PRDM16: variants seen among roughly 807,000 people sequenced by gnomAD.
PRDM16 encodes the protein histone-lysine N-methyltransferase PRDM16.
In PRDM16, 23 loss-of-function variants were observed where a neutral mutation model predicts 110.6. The ratio of observed to expected loss-of-function variants is 0.21; its 90% CI spans 0.15 to 0.29. PRDM16 has a LOEUF of 0.29. Ranked by LOEUF, PRDM16 falls within the 10% of genes least tolerant of loss-of-function variation. The pLI, the probability that PRDM16 is intolerant of heterozygous loss-of-function variation, is 1.00. For missense variants in PRDM16, 1,615 were observed against 1,794.3 expected, an observed-to-expected ratio of 0.90 and a Z score of 1.81; for synonymous variants, 799 against 781.8, an observed-to-expected ratio of 1.02 and a Z score of -0.37.
chr1:3,396,424 GCA>G, intron 4 of PRDM16, 65 bp from the exon 5 acceptor site: 1 of 859,492 alleles, frequency 1.2e-6, no homozygotes, highest in Non-Finnish European at 1.9e-6. Flanking sequence ...GGCTGAGTGT[GCA>G]CTGAGAGGCT....
At chr1:3,094,566 C>T (rs551155253) in intron 1 of PRDM16, among the ~76,000 whole-genome samples, 19 of 152,320 alleles carry the variant, frequency 1.2e-4, no homozygotes, top group South Asian at 2.1e-4. Flanking sequence ...AGGGCCGGGA[C>T]GCTATAAAGC....
intron 10 of PRDM16, among the ~76,000 whole-genome samples, chr1:3,415,172 G>T (rs1381514447): frequency 2.0e-5 from 3 of 152,174 alleles, no homozygotes; most frequent in African/African-American, 7.2e-5. Flanking sequence ...AGACAGGTGG[G>T]TGCAGACCCT....
At chr1:3,394,426 G>A (rs1643352054) in intron 4 of PRDM16, 1 of 450,282 alleles carries the variant, frequency 2.2e-6, no homozygotes, top group Admixed American at 2.4e-5. Flanking sequence ...CCGAGAAGCA[G>A]GGAGTGCGGG....
intron 12 of PRDM16, among the ~76,000 whole-genome samples, chr1:3,421,216 C>T (rs1452896718): frequency 6.6e-6 from 1 of 152,186 alleles, no homozygotes; most frequent in Non-Finnish European, 1.5e-5. Flanking sequence ...GGAGACCTCA[C>T]TGGATCCTAG....
At chr1:3,169,731 C>A (rs920103998) in intron 1 of PRDM16, among the ~76,000 whole-genome samples, 1 of 152,250 alleles carries the variant, frequency 6.6e-6, no homozygotes, top group African/African-American at 2.4e-5. Flanking sequence ...GGCTCCTGTA[C>A]GCCATCAGGA....
intron 3 of PRDM16, among the ~76,000 whole-genome samples, chr1:3,348,484 T>C (rs574701626): frequency 1.3e-5 from 2 of 152,312 alleles, no homozygotes; most frequent in African/African-American, 2.4e-5. Context: ...GCTGTCTTCA[T>C]TGAGAGCAGT....
chr1:3,116,410 G>A lies in PRDM16; in HGVS notation c.37+47114G>A, dbSNP rs368268467. ...ACGGGTGGCCTGGAGACGTGGCACC[G>A]TACCTCCCTGCTCCCTTCCTGTGAG... On this transcript the variant is annotated intron_variant, in intron 1 of 16. Coordinates refer to ENST00000270722, the MANE Select transcript of PRDM16 (RefSeq NM_022114.4). 4.3e-4 allele frequency among the ~76,000 whole-genome samples: 65 copies of A among 152,218 alleles called. 1 individual carries two copies. The highest frequency in any genetic ancestry group is 1.5e-3 in the African/African-American group (62 of 41,540).
rs1244648167 is a variant in PRDM16, at chr1:3,436,212, G to C, written c.*2401G>C. On this transcript the variant is annotated 3_prime_UTR_variant, in exon 17 of 17. Coordinates refer to ENST00000270722, the MANE Select transcript of PRDM16 (RefSeq NM_022114.4). ...GTAAGGTGTGTGCTTTTTTTTTTTT[G>C]CAATATGACCCCGTCTCTCTGAAGT... 4.8e-6 allele frequency: 1 copy of C among 209,774 alleles called. No individual in the cohort carries two copies. Among genetic ancestry groups the C allele is most frequent in the East Asian group, 6.5e-5 (1 of 15,458 alleles). 13.0% of individuals were successfully genotyped at this position (209,774 alleles called of 1,614,324 possible).
rs1638909045 is a variant in PRDM16 at position 3,436,333 on chromosome 1, C to T, written c.*2522C>T. On this transcript the variant is annotated 3_prime_UTR_variant, in exon 17 of 17. Transcript: ENST00000270722. ...ACCGTTGGTCTCCGGATCCCCCAGT[C>T]CCATCCCGCCGTTTTCGGCTGTCTT... 1 of 231,126 alleles carries T rather than the reference C, an allele frequency of 4.3e-6. No homozygotes were observed. The highest frequency in any genetic ancestry group is 1.8e-4 in the South Asian group (1 of 5,516). 14.3% of individuals were successfully genotyped at this position (231,126 alleles called of 1,614,324 possible).
intron 1 of PRDM16, among the ~76,000 whole-genome samples, chr1:3,152,771 C>A (rs142950956): frequency 6.6e-6 from 1 of 152,128 alleles, no homozygotes; most frequent in Non-Finnish European, 1.5e-5. Flanking sequence ...TAGCGTGGGT[C>A]CTTGGCTTCA....
At chr1:3,240,933 C>G (rs1440137190) in intron 2 of PRDM16, among the ~76,000 whole-genome samples, 1 of 152,242 alleles carries the variant, frequency 6.6e-6, no homozygotes, top group Admixed American at 6.5e-5. Flanking sequence ...TCAAACACAC[C>G]TAATACTTCT....
At chr1:3,259,776 GTGGGCCTGGGATGCGCCTCTCCAC>G (rs1640123066) in intron 3 of PRDM16, among the ~76,000 whole-genome samples, 3 of 152,156 alleles carry the variant, frequency 2.0e-5, no homozygotes, top group Non-Finnish European at 4.4e-5. Flanking sequence ...AGCCACCTCC[GTGGGCCTGGGATGCGCCTCTCCAC>G]TGGGCCTGGG....
chr1:3,168,601 A>G (rs1387353477), intron 1 of PRDM16, among the ~76,000 whole-genome samples: 1 of 95,442 alleles, frequency 1.0e-5, no homozygotes, highest in Admixed American at 1.5e-4. Context: ...TCGCCCTTTC[A>G]TACCCTGGTT....
intron 1 of PRDM16, among the ~76,000 whole-genome samples, chr1:3,161,386 T>C: frequency 6.6e-6 from 1 of 152,184 alleles, no homozygotes; most frequent in Admixed American, 6.5e-5. Flanking sequence ...TTCCCACATC[T>C]TGTCAAAGGA....
intron 1 of PRDM16, among the ~76,000 whole-genome samples, chr1:3,137,596 G>C (rs1281282934): frequency 6.6e-6 from 1 of 152,222 alleles, no homozygotes; most frequent in Non-Finnish European, 1.5e-5. Context: ...AGGTGGCTTT[G>C]TGTGGATGGA....
Position 3,434,165 on chromosome 1 carries a change from G to A in PRDM16, c.*354G>A, listed in dbSNP as rs533884117. 1 of 321,098 alleles carries A rather than the reference G, an allele frequency of 3.1e-6. No homozygotes were observed. The highest frequency in any genetic ancestry group is 4.6e-5 in the Admixed American group (1 of 21,526). The allele number at this position is 321,098 out of a possible 1,614,324, so 19.9% of individuals were successfully genotyped here. ...GGCCACTGCCGGGTGCCCGCGTGGG[G>A]TCGCGGAAGGGAATGGATAGACTGG... On this transcript the variant is annotated 3_prime_UTR_variant, in exon 17 of 17. Coordinates refer to ENST00000270722, the MANE Select transcript of PRDM16 (RefSeq NM_022114.4).
In PRDM16 at chr1:3,257,147, C is replaced by A. The variant is rs556657944; in HGVS notation, c.438+13010C>A. Among the ~76,000 whole-genome samples the A allele has an allele frequency of 2.0e-5, 3 of 152,332 alleles. No individual in the cohort carries two copies. The East Asian group carries it at 5.8e-4, about 29-fold the overall frequency. On this transcript the variant is annotated intron_variant, in intron 3 of 16. Transcript: ENST00000270722. ...AGGTAGTCAATGAACACTGGTAGTA[C>A]CTGGCAGGCCGCGGAGGGCTCTTCG...
chr1:3,301,341 A>G (rs1190641826), intron 3 of PRDM16, among the ~76,000 whole-genome samples: 1 of 142,720 alleles, frequency 7.0e-6, no homozygotes, highest in Non-Finnish European at 1.5e-5. Flanking sequence ...TCAAAAAAAA[A>G]AAAAAAAAGA....
In PRDM16 at chr1:3,414,666, T is replaced by G; in HGVS notation, c.2691+19T>G. 6.2e-7 allele frequency: 1 copy of G among 1,600,856 alleles called. No homozygotes were observed. The highest frequency in any genetic ancestry group is 8.5e-7 in the Non-Finnish European group (1 of 1,170,388). The stretch of plus-strand genomic sequence containing the variant: ...CCCCCAGGTACGTCCTCAGTGCAGG[T>G]CAGGGCGCCCTGTAACCCACACGCC... On this transcript the variant is annotated intron_variant, in intron 10 of 16. Transcript: ENST00000270722.
Sources: gnomAD v4.1 joint callset for allele counts (sites outside exome capture counted in the v4.1 genomes callset) on GRCh38, gnomAD v4.1.1 for gene constraint, MANE v1.5 for transcripts, NCBI Gene and HGNC (gene_info 2026-07-23, HGNC 2026-07-21) for gene names.